PIK3R3: variants seen among roughly 807,000 people sequenced by gnomAD.
PIK3R3 encodes the protein phosphatidylinositol 3-kinase regulatory subunit gamma.
In PIK3R3, 64 loss-of-function variants were observed where a neutral mutation model predicts 62.9. The ratio of observed to expected loss-of-function variants is 1.02; its 90% confidence interval spans 0.83 to 1.25. The LOEUF (loss-of-function observed/expected upper bound fraction) is 1.25, where lower values mean the gene tolerates loss of function less well. PIK3R3 is among the 50% of genes most tolerant of loss of function. The probability of loss-of-function intolerance (pLI) is 0.00; values close to 1 mark genes in which losing one functional copy is unlikely to be tolerated. For missense variants in PIK3R3, 614 were observed against 561.6 expected (o/e 1.09, Z -0.94); for synonymous variants, 165 against 189.0 (o/e 0.87, Z 1.04).
rs1218787400 is a variant in PIK3R3 at position 46,062,130 on chromosome 1, C to T, written c.622-59G>A. ...ATTATCTTTATTATTTTCTTCTAAC[C>T]TTGGTCTTAAACAAATTTTGTAATT... On this transcript the variant is annotated intron_variant, in intron 5 of 9. Coordinates refer to ENST00000262741, the MANE Select transcript of PIK3R3 (RefSeq NM_003629.4). 5 of 1,480,428 alleles carry T rather than the reference C, an allele frequency of 3.4e-6. No homozygotes were observed. In the African/African-American group the frequency reaches 5.7e-5, roughly 17 times the overall value. The allele number at this position is 1,480,428 out of a possible 1,614,324, so 91.7% of individuals were successfully genotyped here. A position where few individuals can be genotyped will look rare whatever the true frequency, so the allele number is the denominator to read the frequency against.
At chr1:46,115,418 A>G (rs961477467) in intron 1 of PIK3R3, among the ~76,000 whole-genome samples, 10 of 152,342 alleles carry the variant, frequency 6.6e-5, no homozygotes, top group African/African-American at 2.4e-4. Context: ...GTACTAGAAA[A>G]TACAGCCTAG....
chr1:46,056,211 C>T (rs191421622), intron 6 of PIK3R3: 19 of 298,054 alleles, frequency 6.4e-5, no homozygotes, highest in Admixed American at 2.1e-4. Context: ...CCACCACACC[C>T]GGCTAATTTT....
chr1:46,115,090 C>T (rs1654067349), intron 1 of PIK3R3, among the ~76,000 whole-genome samples: 1 of 152,074 alleles, frequency 6.6e-6, no homozygotes, highest in Non-Finnish European at 1.5e-5. Context: ...GAAGCATCTA[C>T]TTTCTCTCCA....
chr1:46,100,325 A>ATAATATTTAATATG (rs1185336799), intron 1 of PIK3R3, among the ~76,000 whole-genome samples: 1 of 152,208 alleles, frequency 6.6e-6, no homozygotes, highest in East Asian at 1.9e-4. Context: ...TATGGTAAGT[A>ATAATATTTAATATG]GAAATCTCAT....
intron 3 of PIK3R3, among the ~76,000 whole-genome samples, chr1:46,076,981 T>A (rs1018848881): frequency 1.3e-5 from 2 of 152,206 alleles, no homozygotes; most frequent in African/African-American, 4.8e-5. Context: ...AATGTGGAAA[T>A]TTCTCATGCA....
chr1:46,157,933 A>G, the PIK3R3 span, among the ~76,000 whole-genome samples: 1 of 152,254 alleles, frequency 6.6e-6, no homozygotes, highest in Non-Finnish European at 1.5e-5. Flanking sequence ...AAGAGTTAAC[A>G]GCACATTTTT....
chr1:46,095,332 G>C (rs1389667969), intron 1 of PIK3R3, among the ~76,000 whole-genome samples: 1 of 149,980 alleles, frequency 6.7e-6, no homozygotes, highest in Non-Finnish European at 1.5e-5. Flanking sequence ...CCTTTGCAGG[G>C]ACATGGATGG....
chr1:46,055,495 C>T (rs181268473), intron 7 of PIK3R3, among the ~76,000 whole-genome samples: 1 of 152,288 alleles, frequency 6.6e-6, no homozygotes, highest in East Asian at 1.9e-4. Context: ...ATGTTTTAGG[C>T]AAACATTAAT....
At chr1:46,075,902 C>T (rs1571422737) in intron 3 of PIK3R3, among the ~76,000 whole-genome samples, 2 of 152,172 alleles carry the variant, frequency 1.3e-5, no homozygotes, top group Admixed American at 1.3e-4. Flanking sequence ...GCCTTGAGAA[C>T]CCATAGGGGG....
chr1:46,096,229 T>A (rs547336710), intron 1 of PIK3R3, among the ~76,000 whole-genome samples: 105 of 152,344 alleles, frequency 6.9e-4, no homozygotes, highest in East Asian at 2.5e-3. Context: ...AACTTTTTTT[T>A]AAAAAACCTA....
At chr1:46,094,249 CAAAAT>C (rs1243226849) in intron 1 of PIK3R3, among the ~76,000 whole-genome samples, 2 of 151,692 alleles carry the variant, frequency 1.3e-5, no homozygotes, top group African/African-American at 4.8e-5. Flanking sequence ...CAAAATAAAA[CAAAAT>C]AATGTGATAA....
chr1:46,087,911 G>A (rs946574574), intron 1 of PIK3R3, among the ~76,000 whole-genome samples: 1 of 152,170 alleles, frequency 6.6e-6, no homozygotes, highest in Non-Finnish European at 1.5e-5. Flanking sequence ...TGTCAAATCC[G>A]TAGAGACAGA....
intron 9 of PIK3R3, 42 bp downstream of exon 9, chr1:46,045,876 T>C: frequency 6.5e-7 from 1 of 1,529,890 alleles, no homozygotes; most frequent in African/African-American, 1.4e-5. Flanking sequence ...TAATAATTGA[T>C]GCAAAAGATT....
intron 1 of PIK3R3, among the ~76,000 whole-genome samples, chr1:46,112,533 A>G (rs1468256973): frequency 6.6e-6 from 1 of 152,234 alleles, no homozygotes; most frequent in Non-Finnish European, 1.5e-5. Context: ...CTCCACCAAT[A>G]GTGAAGCTAA....
In PIK3R3 at chr1:46,071,759, A is replaced by AGAGAGCGAGCGAGC. The variant is rs777668187; in HGVS notation, c.315-4669_315-4668insGCTCGCTCGCTCTC. On this transcript the variant is annotated intron_variant, in intron 3 of 9. Coordinates refer to ENST00000262741, the MANE Select transcript of PIK3R3 (RefSeq NM_003629.4). ...GAGAGAGAGAGAGAGAGAGAGAGAG[A>AGAGAGCGAGCGAGC]GCGCGCGCCTGATCACAATTTCCCT... Among the ~76,000 whole-genome samples, 271 of 100,118 alleles carry AGAGAGCGAGCGAGC rather than the reference A, an allele frequency of 2.7e-3. 2 individuals carry two copies. The highest frequency in any genetic ancestry group is 9.3e-3 in the African/African-American group (256 of 27,666). The allele number at this position is 100,118 out of a possible 152,430, so 65.7% of individuals were successfully genotyped here.
the PIK3R3 span, among the ~76,000 whole-genome samples, chr1:46,160,940 C>T: frequency 6.6e-6 from 1 of 152,094 alleles, no homozygotes; most frequent in East Asian, 1.9e-4. Flanking sequence ...GTGTAAAAAA[C>T]AATAATGGCC....
At chr1:46,078,931 A>T (rs995272907) in intron 2 of PIK3R3, among the ~76,000 whole-genome samples, 3 of 152,176 alleles carry the variant, frequency 2.0e-5, no homozygotes, top group Non-Finnish European at 2.9e-5. Context: ...TGAATTCATA[A>T]GACAGAAAGC....
intron 1 of PIK3R3, among the ~76,000 whole-genome samples, chr1:46,129,028 G>A (rs989797093): frequency 1.3e-5 from 2 of 151,448 alleles, no homozygotes; most frequent in East Asian, 1.9e-4. Flanking sequence ...CCAAGATGGC[G>A]CCACTGCACT....
intron 2 of PIK3R3, among the ~76,000 whole-genome samples, chr1:46,080,064 CT>C (rs1226844650): frequency 1.7e-3 from 239 of 140,576 alleles, no homozygotes; most frequent in Non-Finnish European, 1.7e-3. Flanking sequence ...TTTTTCTTTT[CT>C]TTTTTTTTTT....
Sources: allele counts gnomAD v4.1 joint callset (sites outside exome capture counted in the v4.1 genomes callset), GRCh38; gene constraint gnomAD v4.1.1; transcripts MANE v1.5; gene names NCBI Gene and HGNC (gene_info 2026-07-23, HGNC 2026-07-21).